The following ZFYVE28 variants were observed in gnomAD, a reference collection of about 807,000 sequenced individuals.
ZFYVE28 encodes the protein zinc finger FYVE-type containing 28.
Under a neutral mutation model 82.1 loss-of-function variants are expected in ZFYVE28, and 40 were observed. The observed-to-expected ratio is 0.49, with a 90% CI of 0.38 to 0.63. ZFYVE28 has a LOEUF of 0.63. Ranked by LOEUF, ZFYVE28 falls within the 30% of genes least tolerant of loss-of-function variation. ZFYVE28 has a pLI of 0.00. For synonymous variants in ZFYVE28, 612 were observed against 546.1 expected (o/e 1.12, Z -1.68); for missense variants, 1,321 against 1,242.1 (o/e 1.06, Z -0.96).
chr4:2,386,103 G>A (rs1729231292), intron 1 of ZFYVE28, among the ~76,000 whole-genome samples: 1 of 152,156 alleles, frequency 6.6e-6, no homozygotes, highest in South Asian at 2.1e-4. Flanking sequence ...CACGGCTGCA[G>A]CAGCTGGCTT....
intron 1 of ZFYVE28, among the ~76,000 whole-genome samples, chr4:2,407,789 T>C (rs930647094): frequency 2.6e-5 from 4 of 152,318 alleles, no homozygotes; most frequent in African/African-American, 7.2e-5. Context: ...GGTTTCACCA[T>C]GTTGGCCAGG....
At chr4:2,373,326 A>G (rs1477936245) in intron 1 of ZFYVE28, among the ~76,000 whole-genome samples, 1 of 151,764 alleles carries the variant, frequency 6.6e-6, no homozygotes, top group Non-Finnish European at 1.5e-5. Flanking sequence ...AGTGAGACCT[A>G]CATCTCTACA....
chr4:2,365,792 G>A (rs898359972), intron 1 of ZFYVE28, among the ~76,000 whole-genome samples: 3 of 152,154 alleles, frequency 2.0e-5, no homozygotes, highest in African/African-American at 4.8e-5. Flanking sequence ...CCTGATACCA[G>A]AAGGCCCCAA....
At chr4:2,340,938 G>A (rs1722696121) in intron 3 of ZFYVE28, among the ~76,000 whole-genome samples, 1 of 152,068 alleles carries the variant, frequency 6.6e-6, no homozygotes, top group South Asian at 2.1e-4. Flanking sequence ...AGGCTCGGGA[G>A]CACGGCAAGG....
At chr4:2,333,896 G>A (rs1721138097) in intron 6 of ZFYVE28, among the ~76,000 whole-genome samples, 1 of 152,180 alleles carries the variant, frequency 6.6e-6, no homozygotes, top group African/African-American at 2.4e-5. Flanking sequence ...AGAGACACTT[G>A]TCTAGAAAAG....
At chr4:2,288,333 C>T (rs557717119) in intron 8 of ZFYVE28, among the ~76,000 whole-genome samples, 2 of 152,350 alleles carry the variant, frequency 1.3e-5, no homozygotes, top group African/African-American at 4.8e-5. Context: ...AGAACGGAAC[C>T]TCATCTCTAA....
At chr4:2,348,356 A>T (rs1723881736) in intron 2 of ZFYVE28, among the ~76,000 whole-genome samples, 1 of 152,228 alleles carries the variant, frequency 6.6e-6, no homozygotes, top group Non-Finnish European at 1.5e-5. Context: ...AGATAGATTA[A>T]TAGTGAATTC....
chr4:2,318,544 C>T (rs1718572905), intron 7 of ZFYVE28, among the ~76,000 whole-genome samples: 1 of 152,182 alleles, frequency 6.6e-6, no homozygotes, highest in South Asian at 2.1e-4. Flanking sequence ...ACGGATAAGT[C>T]CTCAAACCCT....
At chr4:2,357,144 G>A (rs898174486) in intron 1 of ZFYVE28, among the ~76,000 whole-genome samples, 8 of 152,230 alleles carry the variant, frequency 5.3e-5, no homozygotes, top group African/African-American at 1.4e-4. Context: ...TGATCCATCC[G>A]CCTCGGCCTC....
chr4:2,313,867 AG>A (rs1240245622), intron 7 of ZFYVE28, among the ~76,000 whole-genome samples: 1 of 151,576 alleles, frequency 6.6e-6, no homozygotes, highest in Non-Finnish European at 1.5e-5. Flanking sequence ...AAAAAAAAAA[AG>A]AACGTGAATT....
chr4:2,277,496 A>G (rs1245511103), intron 8 of ZFYVE28, among the ~76,000 whole-genome samples: 1 of 152,128 alleles, frequency 6.6e-6, no homozygotes, highest in Non-Finnish European at 1.5e-5. Flanking sequence ...ATATAAATAA[A>G]TAAAATAAAA....
intron 8 of ZFYVE28, among the ~76,000 whole-genome samples, chr4:2,298,933 GAGA>G (rs1220427842): frequency 6.6e-6 from 1 of 152,192 alleles, no homozygotes; most frequent in Non-Finnish European, 1.5e-5. Flanking sequence ...CACCAGAGAT[GAGA>G]AGAACATTCC....
chr4:2,348,232 A>C (rs1210278566), intron 2 of ZFYVE28, among the ~76,000 whole-genome samples: 1 of 152,240 alleles, frequency 6.6e-6, no homozygotes, highest in East Asian at 1.9e-4. Flanking sequence ...TAAAAGGCAT[A>C]AACTACCAAA....
intron 8 of ZFYVE28, among the ~76,000 whole-genome samples, chr4:2,275,856 C>A (rs1466143523): frequency 1.2e-4 from 19 of 152,258 alleles, no homozygotes; most frequent in Non-Finnish European, 2.9e-5. Context: ...AGACGCGGTG[C>A]TGGGGATTCC....
intron 1 of ZFYVE28, among the ~76,000 whole-genome samples, chr4:2,368,211 C>CAAAAAAAAACAAAAAAAAAAAAAAA (rs1727096353): frequency 1.2e-5 from 1 of 86,158 alleles, no homozygotes; most frequent in African/African-American, 4.4e-5. Flanking sequence ...CACATCTCTA[C>CAAAAAAAAACAAAAAAAAAAAAAAA]AAAAAAAAAA....
At chr4:2,398,200 C>T (rs1167616220) in intron 1 of ZFYVE28, among the ~76,000 whole-genome samples, 4 of 151,840 alleles carry the variant, frequency 2.6e-5, no homozygotes, top group African/African-American at 9.7e-5. Context: ...CAGGAGGCCG[C>T]ATGGGTGGGG....
At chr4:2,279,261 G>A (rs1421242870) in intron 8 of ZFYVE28, among the ~76,000 whole-genome samples, 2 of 152,080 alleles carry the variant, frequency 1.3e-5, no homozygotes, top group African/African-American at 4.8e-5. Context: ...GTGAAACCCC[G>A]TCTCTACTGA....
At chr4:2,405,262 T>C (rs968961871) in intron 1 of ZFYVE28, among the ~76,000 whole-genome samples, 3 of 152,188 alleles carry the variant, frequency 2.0e-5, no homozygotes, top group African/African-American at 7.2e-5. Context: ...GAAGGGAAGA[T>C]GGGGTGCACC....
chr4:2,334,724 G>A (rs893400023), intron 6 of ZFYVE28, among the ~76,000 whole-genome samples: 4 of 126,376 alleles, frequency 3.2e-5, no homozygotes, highest in African/African-American at 5.5e-5. Flanking sequence ...CCTGCTGGCC[G>A]CTGCCCACTG....
Sources: allele counts gnomAD v4.1 joint callset (sites outside exome capture counted in the v4.1 genomes callset), GRCh38; gene constraint gnomAD v4.1.1; transcripts MANE v1.5; gene names NCBI Gene and HGNC (gene_info 2026-07-23, HGNC 2026-07-21).